Variants in CYB5R4 observed in about 807,000 individuals in gnomAD.
CYB5R4 encodes the protein cytochrome b5 reductase 4.
Under a neutral mutation model 70.2 loss-of-function variants are expected in CYB5R4, and 55 were observed. The ratio of observed to expected loss-of-function variants is 0.78; its 90% CI spans 0.63 to 0.98. The LOEUF (loss-of-function observed/expected upper bound fraction) is 0.98. Ranked by LOEUF, CYB5R4 falls within the 50% of genes least tolerant of loss-of-function variation. The pLI is 0.00. For missense variants in CYB5R4, 562 were observed against 612.6 expected, an observed-to-expected ratio of 0.92 and a Z score of 0.87; for synonymous variants, 197 against 199.5, an observed-to-expected ratio of 0.99 and a Z score of 0.11.
chr6:83,946,660 A>G (rs903635060), intron 14 of CYB5R4, among the ~76,000 whole-genome samples: 8 of 152,204 alleles, frequency 5.3e-5, no homozygotes, highest in Admixed American at 5.2e-4. Context: ...ATGATTGTAT[A>G]TTTAGAAAGC....
intron 10 of CYB5R4, among the ~76,000 whole-genome samples, chr6:83,932,158 T>C (rs750850782): frequency 8.5e-5 from 13 of 152,292 alleles, no homozygotes; most frequent in Admixed American, 4.6e-4. Context: ...CTTGATGCAA[T>C]TGAAAGATGA....
At chr6:83,902,149 T>C (rs1330405964) in intron 3 of CYB5R4, among the ~76,000 whole-genome samples, 1 of 152,220 alleles carries the variant, frequency 6.6e-6, no homozygotes, top group Non-Finnish European at 1.5e-5. Flanking sequence ...TTTTATAGTT[T>C]CGGGTCTATA....
In CYB5R4 at chr6:83,895,117, G is replaced by A. The variant is rs150218718; in HGVS notation, c.330+1495G>A. On this transcript the variant is annotated intron_variant, in intron 3 of 15. Transcript: ENST00000369681. The stretch of plus-strand genomic sequence containing the variant: ...GGTTTTTATTGCTGTTTTAAGGCAA[G>A]TTCCCATTGTTATTTGGTATTTGCT... Among the ~76,000 whole-genome samples the A allele has an allele frequency of 1.4e-3, 213 of 152,276 alleles. 1 individual carries two copies. The highest frequency in any genetic ancestry group is 4.9e-3 in the African/African-American group (204 of 41,542).
chr6:83,929,598 TTA>T (rs2129141357), intron 10 of CYB5R4: 1 of 151,658 alleles, frequency 6.6e-6, no homozygotes, highest in East Asian at 1.9e-4. Context: ...GAAATGAAGA[TTA>T]TGAGTGAGTA....
At chr6:83,890,740 A>C (rs139397201) in intron 2 of CYB5R4, among the ~76,000 whole-genome samples, 1 of 152,134 alleles carries the variant, frequency 6.6e-6, no homozygotes. Context: ...TGTCACCGCC[A>C]CCTCAGCCTT....
rs185287156 is a variant in CYB5R4, at chr6:83,899,414, G to A, written c.330+5792G>A. On this transcript the variant is annotated intron_variant, in intron 3 of 15. Transcript: ENST00000369681. ...GCATCAATGTTCATTAGGGATATTG[G>A]TCTAAAATTCTCTTTTTCTGTTGTG... 4.6e-5 allele frequency among the ~76,000 whole-genome samples: 7 copies of A among 152,212 alleles called. No individual in the cohort carries two copies. The East Asian group carries it at 1.2e-3, about 25-fold the overall frequency.
At chr6:83,885,631 T>G (rs1355018714) in intron 2 of CYB5R4, among the ~76,000 whole-genome samples, 1 of 152,170 alleles carries the variant, frequency 6.6e-6, no homozygotes, top group Non-Finnish European at 1.5e-5. Context: ...AACCCTATCA[T>G]ATAGAGCTGG....
intron 10 of CYB5R4, chr6:83,929,406 C>T (rs1027890340): frequency 6.6e-6 from 1 of 152,132 alleles, no homozygotes; most frequent in African/African-American, 2.4e-5. Flanking sequence ...AATGTTTTCA[C>T]ATGTCAAATC....
At chr6:83,864,378 A>G (rs748900267) in intron 2 of CYB5R4, 50 bp downstream of exon 2, 20 of 1,522,994 alleles carry the variant, frequency 1.3e-5, no homozygotes, top group South Asian at 2.5e-5. Flanking sequence ...GAACTTTCCA[A>G]TTATGATGTT....
At position 83,888,951 on chromosome 6, in the gene CYB5R4, T is replaced by A. The variant is rs565303845; in HGVS notation, c.230-4571T>A. 2.9e-4 allele frequency among the ~76,000 whole-genome samples: 44 copies of A among 152,344 alleles called. No individual in the cohort carries two copies. In the South Asian group the frequency reaches 8.3e-3, roughly 29 times the overall value. ...CTTATTGGTGATATGGAGAAAGCTT[T>A]AGTGGTGTGGATAGATTAAACCAGC... is the stretch of plus-strand genomic sequence containing the variant. On this transcript the variant is annotated intron_variant, in intron 2 of 15. Coordinates refer to ENST00000369681, the MANE Select transcript of CYB5R4 (RefSeq NM_016230.4).
At chr6:83,914,509 C>G (rs1241180611) in intron 5 of CYB5R4, 61 bp downstream of exon 5, 1 of 1,370,952 alleles carries the variant, frequency 7.3e-7, no homozygotes, top group African/African-American at 1.5e-5. Context: ...AGTATTGATA[C>G]ACAGAATTGT....
chr6:83,909,226 C>T, intron 4 of CYB5R4, 136 bp downstream of exon 4: 2 of 557,704 alleles, frequency 3.6e-6, no homozygotes, highest in South Asian at 3.5e-5. Context: ...CTAGCCACTC[C>T]AGAGGTTTTC....
At chr6:83,873,875 A>C (rs1451056150) in intron 2 of CYB5R4, among the ~76,000 whole-genome samples, 1 of 152,130 alleles carries the variant, frequency 6.6e-6, no homozygotes, top group Admixed American at 6.5e-5. Flanking sequence ...TGAAGGATAC[A>C]TGGGAGTTAA....
At chr6:83,951,872 A>G (rs1157855794) in intron 14 of CYB5R4, among the ~76,000 whole-genome samples, 2 of 152,122 alleles carry the variant, frequency 1.3e-5, no homozygotes, top group Non-Finnish European at 2.9e-5. Context: ...GTTTTCTACG[A>G]TGGTTGAACT....
chr6:83,869,823 C>CAA (rs796657002), intron 2 of CYB5R4, among the ~76,000 whole-genome samples: 2 of 140,116 alleles, frequency 1.4e-5, no homozygotes, highest in African/African-American at 2.6e-5. Flanking sequence ...AACTTCGTCT[C>CAA]AAAAAAAAAA....
At chr6:83,921,700 A>G (rs1227985389) in intron 8 of CYB5R4, among the ~76,000 whole-genome samples, 4 of 152,234 alleles carry the variant, frequency 2.6e-5, no homozygotes, top group Non-Finnish European at 5.9e-5. Flanking sequence ...GGAACCCTAC[A>G]CTAGCATACA....
chr6:83,945,424 G>A (rs997114030), intron 14 of CYB5R4, among the ~76,000 whole-genome samples: 3 of 152,170 alleles, frequency 2.0e-5, no homozygotes, highest in Non-Finnish European at 4.4e-5. Context: ...CTAAAGCAGT[G>A]TATAGAGGGA....
At position 83,899,363 on chromosome 6, in the gene CYB5R4, T is replaced by G. The variant is rs544304620; in HGVS notation, c.330+5741T>G. Among the ~76,000 whole-genome samples the G allele has an allele frequency of 9.7e-4, 148 of 152,316 alleles. 3 individuals are homozygous for G. Among genetic ancestry groups the G allele is most frequent in the South Asian group, 1.7e-3 (8 of 4,828 alleles). ...TTTTTGCTGTGCTGCTGGATTTGGTTTGCCAGCATTTTATTGAGGATTTTT... is the reference window on the plus strand; with the variant it reads ...TTTTTGCTGTGCTGCTGGATTTGGTGTGCCAGCATTTTATTGAGGATTTTT... On this transcript the variant is annotated intron_variant, in intron 3 of 15. Coordinates refer to ENST00000369681, the MANE Select transcript of CYB5R4 (RefSeq NM_016230.4).
intron 10 of CYB5R4, among the ~76,000 whole-genome samples, chr6:83,930,978 C>T (rs1375057806): frequency 6.6e-6 from 1 of 152,184 alleles, no homozygotes; most frequent in Non-Finnish European, 1.5e-5. Flanking sequence ...GGACCTTGCT[C>T]TGGATCAGGT....
Sources: allele counts gnomAD v4.1 joint callset (sites outside exome capture counted in the v4.1 genomes callset), GRCh38; gene constraint gnomAD v4.1.1; transcripts MANE v1.5; gene names NCBI Gene and HGNC (gene_info 2026-07-23, HGNC 2026-07-21).